The following CALD1 variants were observed in gnomAD, a reference collection of about 807,000 sequenced individuals.
CALD1 encodes the protein caldesmon 1.
A neutral mutation model predicts 99.9 loss-of-function variants in CALD1; 33 were observed. That is an observed-to-expected ratio of 0.33 (90% CI 0.25 to 0.44). The LOEUF is 0.44. CALD1 is among the 20% of genes least tolerant of loss of function. The pLI is 1.00. For missense variants in CALD1, 861 were observed against 962.1 expected (o/e 0.89, Z 1.39); for synonymous variants, 310 against 325.0 (o/e 0.95, Z 0.50).
chr7:134,799,780 C>G (rs1169983766), intron 1 of CALD1, among the ~76,000 whole-genome samples: 1 of 152,066 alleles, frequency 6.6e-6, no homozygotes, highest in East Asian at 1.9e-4. Context: ...TAGAAAATAC[C>G]ATGACAATAA....
intron 4 of CALD1, among the ~76,000 whole-genome samples, chr7:134,932,698 GGTATCTAAACACTCAGGCTATCAAT>G (rs1805612463): frequency 6.6e-6 from 1 of 152,154 alleles, no homozygotes; most frequent in African/African-American, 2.4e-5. Flanking sequence ...GGGGTGCTGA[GGTATCTAAACACTCAGGCTATCAAT>G]TTTTGTTTGA....
At chr7:134,931,051 G>A (rs1805485364) in intron 4 of CALD1, among the ~76,000 whole-genome samples, 1 of 151,606 alleles carries the variant, frequency 6.6e-6, no homozygotes, top group African/African-American at 2.4e-5. Context: ...TCGGATATTT[G>A]GCTGTTATTC....
chr7:134,770,105 C>T (rs796336765), intron 1 of CALD1, among the ~76,000 whole-genome samples: 41 of 152,184 alleles, frequency 2.7e-4, no homozygotes, highest in African/African-American at 9.9e-4. Flanking sequence ...ATATTAATTA[C>T]CTTTCTCTTT....
rs774324683 is a variant in CALD1, at chr7:134,933,603, A to G, written c.834A>G (p.Glu278=). 4.9e-5 allele frequency: 79 copies of G among 1,612,930 alleles called. No homozygotes were observed. Among genetic ancestry groups the G allele is most frequent in the Non-Finnish European group, 6.6e-5 (78 of 1,179,554 alleles). ...CAAGGTTGGAAGCAGAAGAAAGAGA[A>G]AGAATTAAAGCCGAGCAAGACAAAA... is the stretch of plus-strand genomic sequence containing the variant. The part of the protein sequence containing the change: ...ERARLEAEER[E]RIKAEQDKKI... Residue 278 remains glutamate (E), a synonymous_variant, in exon 5 of 15, where the codon GAA becomes GAG. Transcript: ENST00000361675.
chr7:134,901,866 C>A (rs1366138995), intron 3 of CALD1, among the ~76,000 whole-genome samples: 2 of 152,114 alleles, frequency 1.3e-5, no homozygotes, highest in Admixed American at 6.5e-5. Flanking sequence ...ACCAGCCACA[C>A]TGGATTAGGG....
intron 1 of CALD1, among the ~76,000 whole-genome samples, chr7:134,806,373 G>A (rs1030283731): frequency 1.3e-5 from 2 of 152,150 alleles, no homozygotes; most frequent in African/African-American, 2.4e-5. Context: ...ATTTGTGTTC[G>A]TAGATGAAAT....
intron 1 of CALD1, among the ~76,000 whole-genome samples, chr7:134,804,055 G>A (rs565122498): frequency 6.6e-6 from 1 of 152,192 alleles, no homozygotes; most frequent in Admixed American, 6.5e-5. Flanking sequence ...GTCTTTTCTT[G>A]CAAATACCAA....
the CALD1 span, among the ~76,000 whole-genome samples, chr7:134,730,223 C>T: frequency 1.3e-5 from 2 of 151,402 alleles, no homozygotes; most frequent in Admixed American, 1.3e-4. Context: ...CTCCCTCCCT[C>T]CCTCCTTTCC....
intron 4 of CALD1, among the ~76,000 whole-genome samples, chr7:134,929,375 G>A (rs1388910796): frequency 6.6e-6 from 1 of 151,510 alleles, no homozygotes; most frequent in Non-Finnish European, 1.5e-5. Context: ...CCAATGCGCA[G>A]TATTTTCCCC....
At chr7:134,826,750 G>C (rs1799015044) in intron 1 of CALD1, among the ~76,000 whole-genome samples, 1 of 152,050 alleles carries the variant, frequency 6.6e-6, no homozygotes, top group African/African-American at 2.4e-5. Flanking sequence ...AATAATTGGG[G>C]CCTCCATCTC....
intron 1 of CALD1, among the ~76,000 whole-genome samples, chr7:134,840,677 A>G (rs899149422): frequency 3.3e-5 from 5 of 152,360 alleles, no homozygotes; most frequent in Middle Eastern, 3.4e-3. Context: ...GTTGGCAGCT[A>G]TGGCTGCTCC....
At chr7:134,832,341 A>C (rs996381153) in intron 1 of CALD1, among the ~76,000 whole-genome samples, 1 of 152,216 alleles carries the variant, frequency 6.6e-6, no homozygotes, top group Non-Finnish European at 1.5e-5. Flanking sequence ...ATAATTGCCA[A>C]ACCATCACCT....
At chr7:134,761,248 G>A (rs1254752472) in intron 1 of CALD1, among the ~76,000 whole-genome samples, 1 of 152,068 alleles carries the variant, frequency 6.6e-6, no homozygotes, top group Non-Finnish European at 1.5e-5. Context: ...CTCCAACCCA[G>A]TTTTCCAAAT....
At chr7:134,722,047 G>T in the CALD1 span, among the ~76,000 whole-genome samples, 3 of 152,124 alleles carry the variant, frequency 2.0e-5, no homozygotes, top group African/African-American at 7.2e-5. Context: ...TAAAGCTAGA[G>T]CACAGCTAAA....
In CALD1 at chr7:134,947,575, A is replaced by C; in HGVS notation, c.1600A>C (p.Lys534Gln). 1.9e-6 allele frequency: 3 copies of C among 1,561,976 alleles called. No homozygotes were observed. The highest frequency in any genetic ancestry group is 2.6e-6 in the Non-Finnish European group (3 of 1,152,684). The change falls in exon 8 of 15, where the codon AAA becomes CAA. Residue 534 changes from lysine to glutamine, a missense_variant. Lys to Gln is a moderately conservative substitution (Grantham distance 53, BLOSUM62 1). This residue lies in a region of CALD1 where 293 missense variants were observed against 262.7 expected (regional missense o/e 1.12). Transcript: ENST00000361675. ...GGGCGCCCCCCAGGTGGAAGCCGGC[A>C]AAAGGCTGGAGGAGCTTCGTCGTCG... ...AEGAPQVEAG[K>Q]RLEELRRRRG...
intron 2 of CALD1, among the ~76,000 whole-genome samples, chr7:134,857,172 T>A: frequency 9.5e-6 from 1 of 105,616 alleles, no homozygotes; most frequent in South Asian, 3.6e-4. Flanking sequence ...TTTTTTTTTT[T>A]TTTTTTTTTT....
At chr7:134,852,509 T>C (rs10279303) in intron 2 of CALD1, among the ~76,000 whole-genome samples, 111,108 of 151,948 alleles carry the variant, frequency 0.73, 41,032 homozygotes, top group East Asian at 0.98. Flanking sequence ...ACCAAGGAAT[T>C]TGCACCTCCC....
At chr7:134,848,560 T>TATATCATGGA (rs1799947895) in intron 2 of CALD1, among the ~76,000 whole-genome samples, 3 of 152,166 alleles carry the variant, frequency 2.0e-5, no homozygotes, top group Non-Finnish European at 2.9e-5. Flanking sequence ...CATCCTGAGT[T>TATATCATGGA]TGGGGGAAAG....
intron 2 of CALD1, among the ~76,000 whole-genome samples, chr7:134,854,332 G>A (rs1432383691): frequency 6.6e-6 from 1 of 152,220 alleles, no homozygotes; most frequent in Non-Finnish European, 1.5e-5. Context: ...CCCACCAACA[G>A]TGTAAAAGCA....
Sources: allele counts gnomAD v4.1 joint callset (sites outside exome capture counted in the v4.1 genomes callset), GRCh38; gene constraint gnomAD v4.1.1; regional missense constraint gnomAD v4.1.1; transcripts MANE v1.5; gene names NCBI Gene and HGNC (gene_info 2026-07-23, HGNC 2026-07-21).